The following ROBO2 variants were observed in gnomAD, a reference collection of about 807,000 sequenced individuals.
ROBO2 encodes roundabout guidance receptor 2, also known as roundabout homolog 2.
ROBO2 carries 53 observed loss-of-function variants against 160.8 expected under a neutral mutation model. That is an observed-to-expected ratio of 0.33 (90% confidence interval 0.26 to 0.41). The LOEUF (loss-of-function observed/expected upper bound fraction) is 0.41, where lower values mean the gene tolerates loss of function less well. Among genes scored for constraint, ROBO2 ranks in the 10% least tolerant of loss-of-function variants. The probability of loss-of-function intolerance (pLI) is 1.00; values close to 1 mark genes in which losing one functional copy is unlikely to be tolerated. For missense variants in ROBO2, 1,577 were observed against 1,722.4 expected (o/e 0.92, Z 1.49); for synonymous variants, 664 against 611.7 (o/e 1.09, Z -1.26).
chr3:75,907,164 A>G (rs1273478215), intron 1 of ROBO2, among the ~76,000 whole-genome samples: 2 of 152,132 alleles, frequency 1.3e-5, no homozygotes, highest in Non-Finnish European at 2.9e-5. Flanking sequence ...TTCGGATGGA[A>G]TTAGCTTAAG....
At chr3:76,650,892 T>G (rs2091225950) in intron 2 of ROBO2, among the ~76,000 whole-genome samples, 1 of 152,176 alleles carries the variant, frequency 6.6e-6, no homozygotes, top group Non-Finnish European at 1.5e-5. Context: ...GTAGCTAAAG[T>G]GTAGTAAAAA....
intron 2 of ROBO2, among the ~76,000 whole-genome samples, chr3:76,488,089 T>C (rs896917117): frequency 2.6e-5 from 4 of 152,158 alleles, no homozygotes; most frequent in African/African-American, 9.7e-5. Flanking sequence ...CAGGGTCAAC[T>C]TAGGTCCTTT....
intron 2 of ROBO2, among the ~76,000 whole-genome samples, chr3:76,852,517 A>G (rs908373506): frequency 3.9e-5 from 6 of 152,174 alleles, no homozygotes; most frequent in African/African-American, 1.4e-4. Context: ...TGTCATCTCA[A>G]GGGTAATGGA....
chr3:77,291,977 A>G (rs1262320182), intron 2 of ROBO2, among the ~76,000 whole-genome samples: 1 of 151,798 alleles, frequency 6.6e-6, no homozygotes, highest in African/African-American at 2.4e-5. Flanking sequence ...CCAGACATAA[A>G]GTAAAATTGA....
At chr3:76,558,020 A>G (rs1440142729) in intron 2 of ROBO2, among the ~76,000 whole-genome samples, 2 of 152,076 alleles carry the variant, frequency 1.3e-5, no homozygotes, top group African/African-American at 4.8e-5. Context: ...GTTGATAACA[A>G]TTACCACAAA....
intron 2 of ROBO2, among the ~76,000 whole-genome samples, chr3:77,196,988 AG>A (rs1330987577): frequency 2.3e-5 from 3 of 128,766 alleles, no homozygotes; most frequent in Non-Finnish European, 5.3e-5. Context: ...AAGAAGGTAG[AG>A]AAAAAAAAAA....
intron 2 of ROBO2, among the ~76,000 whole-genome samples, chr3:76,073,643 GA>G (rs2107978511): frequency 6.6e-6 from 1 of 152,136 alleles, no homozygotes; most frequent in Non-Finnish European, 1.5e-5. Context: ...ACAATATAAG[GA>G]AGACAGTTAC....
intron 2 of ROBO2, among the ~76,000 whole-genome samples, chr3:76,327,577 G>C (rs561051445): frequency 6.6e-6 from 1 of 152,244 alleles, no homozygotes; most frequent in East Asian, 1.9e-4. Context: ...TCGTATATTA[G>C]AAGCAGAAGA....
intron 2 of ROBO2, among the ~76,000 whole-genome samples, chr3:76,197,260 A>T (rs984519182): frequency 1.4e-5 from 2 of 143,760 alleles, no homozygotes; most frequent in African/African-American, 5.3e-5. Context: ...GAGCTAATCA[A>T]TCTCTCTATA....
At chr3:77,111,555 T>G (rs987152203) in intron 2 of ROBO2, among the ~76,000 whole-genome samples, 2 of 152,228 alleles carry the variant, frequency 1.3e-5, no homozygotes, top group African/African-American at 4.8e-5. Context: ...ATTTACTGTT[T>G]TAAATTTATA....
At position 76,703,341 on chromosome 3, in the gene ROBO2, A is replaced by G. The variant is rs575412929; in HGVS notation, c.110-394673A>G. 2.6e-5 allele frequency among the ~76,000 whole-genome samples: 4 copies of G among 152,186 alleles called. No individual in the cohort carries two copies. The South Asian group carries it at 8.3e-4, about 32-fold the overall frequency. ...AGAAAAGCACTAAACACCAATATTT[A>G]CTTAGTACCCTGTCATTTATTTTGT... On this transcript the variant is annotated intron_variant, in intron 2 of 26. Transcript: ENST00000487694.
chr3:77,426,915 G>A (rs2078268705), intron 2 of ROBO2, among the ~76,000 whole-genome samples: 1 of 152,116 alleles, frequency 6.6e-6, no homozygotes, highest in Non-Finnish European at 1.5e-5. Flanking sequence ...TTCATATAGG[G>A]TAAGAATTTG....
At chr3:76,569,386 T>C (rs2084815020) in intron 2 of ROBO2, among the ~76,000 whole-genome samples, 1 of 152,142 alleles carries the variant, frequency 6.6e-6, no homozygotes, top group Non-Finnish European at 1.5e-5. Context: ...AAAATATAAT[T>C]ACATATCTTC....
At chr3:77,078,301 G>A (rs888413787) in intron 1 of ROBO2, among the ~76,000 whole-genome samples, 33 of 152,180 alleles carry the variant, frequency 2.2e-4, no homozygotes, top group African/African-American at 8.0e-4. Context: ...ATATGTTTTA[G>A]TTGACACATG....
chr3:76,661,304 A>G (rs1397712607), intron 2 of ROBO2, among the ~76,000 whole-genome samples: 3 of 152,186 alleles, frequency 2.0e-5, no homozygotes, highest in Non-Finnish European at 4.4e-5. Flanking sequence ...AAATACAAGA[A>G]TGTCTAGGTC....
chr3:76,851,959 T>C (rs2069446536), intron 2 of ROBO2, among the ~76,000 whole-genome samples: 1 of 151,864 alleles, frequency 6.6e-6, no homozygotes, highest in African/African-American at 2.4e-5. Flanking sequence ...GAACATTCAT[T>C]AGGCTTAATA....
At chr3:77,456,579 A>C (rs1432013008) in intron 2 of ROBO2, among the ~76,000 whole-genome samples, 1 of 152,212 alleles carries the variant, frequency 6.6e-6, no homozygotes, top group African/African-American at 2.4e-5. Context: ...AAGAAAAGAA[A>C]ACAAACAGAC....
At chr3:75,971,943 A>G (rs1020717564) in intron 2 of ROBO2, among the ~76,000 whole-genome samples, 3 of 151,556 alleles carry the variant, frequency 2.0e-5, no homozygotes, top group East Asian at 3.9e-4. Context: ...AGTATTTGTT[A>G]TTTTTATTGG....
At position 77,456,391 on chromosome 3, in the gene ROBO2, G is replaced by A. The variant is rs567058567; in HGVS notation, c.389-21023G>A. ...TTGGTTAGGTAGGAAAGAGGTAGGG[G>A]GTAGTCTTGGAACTGTTAAGGAAAC... On this transcript the variant is annotated intron_variant, in intron 2 of 25. Coordinates refer to ENST00000461745, the Ensembl canonical transcript of ROBO2. Among the ~76,000 whole-genome samples, 33 of 152,208 alleles carry A rather than the reference G, an allele frequency of 2.2e-4. 1 individual carries two copies. The highest frequency in any genetic ancestry group is 1.4e-3 in the South Asian group (7 of 4,828).
Sources: gnomAD v4.1 joint callset for allele counts (sites outside exome capture counted in the v4.1 genomes callset) on GRCh38, gnomAD v4.1.1 for gene constraint, MANE v1.5 for transcripts, NCBI Gene and HGNC (gene_info 2026-07-23, HGNC 2026-07-21) for gene names.